EYA2: variants seen among roughly 807,000 people sequenced by gnomAD.
EYA2 encodes the protein protein phosphatase EYA2.
A neutral mutation model predicts 69.2 loss-of-function variants in EYA2; 31 were observed. The observed-to-expected ratio is 0.45, with a 90% CI of 0.34 to 0.60. The LOEUF is 0.60. Among genes scored for constraint, EYA2 ranks in the 20% least tolerant of loss-of-function variants. EYA2 has a pLI of 0.02. For synonymous variants in EYA2, 257 were observed against 279.4 expected, an observed-to-expected ratio of 0.92 and a Z score of 0.80; for missense variants, 622 against 701.2, an observed-to-expected ratio of 0.89 and a Z score of 1.28.
At chr20:46,930,105 T>G (rs1224506388) in intron 1 of EYA2, among the ~76,000 whole-genome samples, 3 of 152,082 alleles carry the variant, frequency 2.0e-5, no homozygotes, top group Non-Finnish European at 2.9e-5. Flanking sequence ...AGCATACCAG[T>G]TAGAGATGCA....
intron 10 of EYA2, among the ~76,000 whole-genome samples, chr20:47,154,821 G>T (rs1439102880): frequency 1.1e-5 from 1 of 90,158 alleles, no homozygotes; most frequent in Admixed American, 1.1e-4. Context: ...ATTTTGTTTT[G>T]TGTGTGTGTG....
intron 2 of EYA2, among the ~76,000 whole-genome samples, chr20:46,996,411 C>T (rs1385956152): frequency 6.6e-6 from 1 of 152,182 alleles, no homozygotes; most frequent in African/African-American, 2.4e-5. Context: ...ACTCTTACTC[C>T]TCAAAGTGTG....
chr20:47,041,231 G>T (rs1985048141), intron 5 of EYA2, among the ~76,000 whole-genome samples: 1 of 152,130 alleles, frequency 6.6e-6, no homozygotes, highest in Non-Finnish European at 1.5e-5. Flanking sequence ...AAAAACTTTG[G>T]CAACTGGCAA....
intron 9 of EYA2, among the ~76,000 whole-genome samples, chr20:47,128,731 G>T (rs1289239710): frequency 3.3e-5 from 5 of 152,166 alleles, no homozygotes; most frequent in African/African-American, 1.2e-4. Context: ...CACTTCATCA[G>T]TCTGAGTTTT....
At chr20:47,161,713 C>A (rs1488099583) in intron 10 of EYA2, 1 of 193,132 alleles carries the variant, frequency 5.2e-6, no homozygotes, top group Non-Finnish European at 1.1e-5. Context: ...CCCCCAAAAC[C>A]GGATGTTTTC....
intron 5 of EYA2, among the ~76,000 whole-genome samples, chr20:47,053,324 G>A (rs1239145824): frequency 6.6e-6 from 1 of 152,178 alleles, no homozygotes; most frequent in Non-Finnish European, 1.5e-5. Context: ...CGGACATGCT[G>A]TACATCTGTT....
intron 8 of EYA2, 88 bp downstream of exon 8, chr20:47,089,469 C>T (rs141660179): frequency 3.9e-5 from 56 of 1,432,472 alleles, no homozygotes; most frequent in African/African-American, 1.6e-4. Context: ...TCTCCAAGTA[C>T]GAGGCGGAGA....
chr20:47,046,284 T>G lies in EYA2; in HGVS notation c.416-25901T>G, dbSNP rs146777409. On this transcript the variant is annotated intron_variant, in intron 5 of 15. Transcript: ENST00000327619. ...TCCCAAAGGTCTCACCTCCAAATAC[T>G]TTCATGTTAGGAATTAGCTTTCAAC... 8.0e-3 allele frequency among the ~76,000 whole-genome samples: 1,221 copies of G among 152,288 alleles called. 27 individuals carry two copies. The highest frequency in any genetic ancestry group is 0.028 in the African/African-American group (1,148 of 41,548).
chr20:47,141,603 T>C (rs1288040120), intron 9 of EYA2, among the ~76,000 whole-genome samples: 1 of 152,268 alleles, frequency 6.6e-6, no homozygotes, highest in Non-Finnish European at 1.5e-5. Flanking sequence ...ATGTCCATTG[T>C]GGTCAGCTGT....
At chr20:47,117,303 C>T (rs867234970) in intron 9 of EYA2, 19 of 930,880 alleles carry the variant, frequency 2.0e-5, no homozygotes, top group African/African-American at 3.6e-5. Flanking sequence ...AGCCACCGCA[C>T]CCAGCCAAGC....
intron 1 of EYA2, among the ~76,000 whole-genome samples, chr20:46,960,807 C>T (rs1382615508): frequency 6.6e-6 from 1 of 152,142 alleles, no homozygotes; most frequent in Non-Finnish European, 1.5e-5. Flanking sequence ...TCTTTTCAAC[C>T]CCTGCCCTAG....
chr20:46,941,580 AT>A (rs1399289982), intron 1 of EYA2, among the ~76,000 whole-genome samples: 3 of 152,150 alleles, frequency 2.0e-5, no homozygotes, highest in African/African-American at 7.2e-5. Flanking sequence ...AGGCTCTGAC[AT>A]TTACCTGCTG....
chr20:47,173,523 AAAAAAAAAAC>A lies in EYA2; in HGVS notation c.1198+657_1198+666del, dbSNP rs1340718370. ...GTGAGACCCCGTAAAAAAAAAAAAA[AAAAAAAAAAC>A]GTGCAGGGTCTCAGGCCTCATCCTG... On this transcript the variant is annotated intron_variant, in intron 12 of 15. Coordinates refer to ENST00000327619, the MANE Select transcript of EYA2 (RefSeq NM_005244.5). Among the ~76,000 whole-genome samples, 283 of 151,448 alleles carry A rather than the reference AAAAAAAAAAC, an allele frequency of 1.9e-3. 5 individuals are homozygous for A. The highest frequency in any genetic ancestry group is 6.7e-3 in the African/African-American group (277 of 41,194).
At chr20:46,977,946 C>G (rs1168935930) in intron 1 of EYA2, among the ~76,000 whole-genome samples, 2 of 152,162 alleles carry the variant, frequency 1.3e-5, no homozygotes, top group Admixed American at 1.3e-4. Context: ...ACTGGCTGGA[C>G]CCACAGCTGA....
chr20:46,932,621 G>T (rs769211131), intron 1 of EYA2, among the ~76,000 whole-genome samples: 1 of 152,216 alleles, frequency 6.6e-6, no homozygotes, highest in Non-Finnish European at 1.5e-5. Flanking sequence ...GGTGGCTCAA[G>T]CCTGTAATCC....
At chr20:47,022,464 CCACCACACCTGG>C (rs1308611323) in intron 5 of EYA2, among the ~76,000 whole-genome samples, 1 of 152,004 alleles carries the variant, frequency 6.6e-6, no homozygotes, top group Non-Finnish European at 1.5e-5. Context: ...CAGGCGCCTG[CCACCACACCTGG>C]CTAATTTTTG....
chr20:46,918,987 C>T (rs1277512420), intron 1 of EYA2, among the ~76,000 whole-genome samples: 3 of 152,204 alleles, frequency 2.0e-5, no homozygotes, highest in East Asian at 1.9e-4. Flanking sequence ...TGGGTGACCA[C>T]GTGGACTGTT....
In EYA2 at chr20:47,048,606, T is replaced by G. The variant is rs187214493; in HGVS notation, c.416-23579T>G. ...CAAAAATTAGCTGGGCGTGGTGGCA[T>G]GCACCTTTTAATCACAGCTACTCGG... On this transcript the variant is annotated intron_variant, in intron 5 of 15. Transcript: ENST00000327619. Among the ~76,000 whole-genome samples, 920 of 152,244 alleles carry G rather than the reference T, an allele frequency of 6.0e-3. 4 individuals carry two copies. The highest frequency in any genetic ancestry group is 8.0e-3 in the Non-Finnish European group (547 of 68,020).
chr20:47,093,949 G>T (rs1433790360), intron 8 of EYA2, among the ~76,000 whole-genome samples: 2 of 152,158 alleles, frequency 1.3e-5, no homozygotes, highest in African/African-American at 4.8e-5. Context: ...GCTAAACTTG[G>T]CCACCAATAG....
Sources: allele counts gnomAD v4.1 joint callset (sites outside exome capture counted in the v4.1 genomes callset), GRCh38; gene constraint gnomAD v4.1.1; transcripts MANE v1.5; gene names NCBI Gene and HGNC (gene_info 2026-07-23, HGNC 2026-07-21).